PITPNM3: variants seen among roughly 807,000 people sequenced by gnomAD.
PITPNM3 encodes the protein PITPNM family member 3, also known as membrane-associated phosphatidylinositol transfer protein 3.
PITPNM3 carries 26 observed loss-of-function variants against 102.0 expected under a neutral mutation model. That is an observed-to-expected ratio of 0.25 (90% CI 0.19 to 0.35). PITPNM3 has a LOEUF of 0.35. Ranked by LOEUF, PITPNM3 falls within the 10% of genes least tolerant of loss-of-function variation. The pLI, the probability that PITPNM3 is intolerant of heterozygous loss-of-function variation, is 1.00. For synonymous variants in PITPNM3, 578 were observed against 558.6 expected (o/e 1.03, Z -0.49); for missense variants, 1,083 against 1,346.1 (o/e 0.80, Z 3.06).
chr17:6,481,604 C>T (rs1012982341), intron 6 of PITPNM3: 9 of 152,112 alleles, frequency 5.9e-5, no homozygotes, highest in African/African-American at 1.9e-4. Flanking sequence ...CACACTTAGC[C>T]GTGGTATGCA....
At chr17:6,528,301 G>T (rs1181820980) in intron 2 of PITPNM3, among the ~76,000 whole-genome samples, 1 of 152,024 alleles carries the variant, frequency 6.6e-6, no homozygotes, top group Non-Finnish European at 1.5e-5. Context: ...ATCTTATCAG[G>T]CTGGGTATGT....
Position 6,483,692 on chromosome 17 carries a change from T to C in PITPNM3, c.412A>G (p.Asn138Asp). 6.2e-7 allele frequency: 1 copy of C among 1,614,042 alleles called. No homozygotes were observed. Among genetic ancestry groups the C allele is most frequent in the Non-Finnish European group, 8.5e-7 (1 of 1,180,018 alleles). The change falls in exon 6 of 20, where the codon AAC becomes GAC. Residue 138 changes from asparagine (N) to aspartate (D), a missense_variant. Around this residue, in one of 5 missense-constraint regions of PITPNM3, gnomAD observed 290 missense variants for 337.8 expected, o/e 0.86. Transcript: ENST00000262483. ...TCCCCGGCACCCGTGTCCAGGATGT[T>C]TCCCCCATGCAGGACCAGCAGGAGG... ...HVLLLVLHGG[N>D]ILDTGAGDPS...
Position 6,477,072 on chromosome 17 carries a change from A to T in PITPNM3, c.1042T>A (p.Tyr348Asn). ...LPRKQSDSST[Y>N]DCEAITQHHA... The stretch of plus-strand genomic sequence containing the variant: ...TGCTGGGTGATGGCCTCGCAGTCAT[A>T]GGTGGAGGAGTCGCTCTGTTTCCGC... The change falls in exon 9 of 20, where the codon TAT becomes AAT. Residue 348 changes from tyrosine to asparagine, a missense_variant. This residue lies in a region of PITPNM3 where 172 missense variants were observed against 175.6 expected (regional missense o/e 0.98). Coordinates refer to ENST00000262483, the MANE Select transcript of PITPNM3 (RefSeq NM_031220.4). 6.2e-7 allele frequency: 1 copy of T among 1,614,184 alleles called. No homozygotes were observed. The highest frequency in any genetic ancestry group is 8.5e-7 in the Non-Finnish European group (1 of 1,180,036).
rs1597356088 is a variant in PITPNM3, at chr17:6,454,794, C to G, written c.*544G>C. 1.3e-5 allele frequency: 2 copies of G among 155,260 alleles called. No homozygotes were observed. Among genetic ancestry groups the G allele is most frequent in the Non-Finnish European group, 2.9e-5 (2 of 70,010 alleles). The allele number at this position is 155,260 out of a possible 1,614,324, so 9.6% of individuals were successfully genotyped here. A position where few individuals can be genotyped will look rare whatever the true frequency, so the allele number is the denominator to read the frequency against. On this transcript the variant is annotated 3_prime_UTR_variant, in exon 20 of 20. Transcript: ENST00000262483. ...TGGACAGAGACGGCGTAACATGAGC[C>G]CGGGGATGTGCTCTCACTCCCAGAA...
chr17:6,479,898 C>A (rs1905558804), intron 6 of PITPNM3: 1 of 152,204 alleles, frequency 6.6e-6, no homozygotes, highest in African/African-American at 2.4e-5. Flanking sequence ...AACTAAGCTC[C>A]CTCCCGCTGG....
intron 6 of PITPNM3, chr17:6,481,487 C>G (rs1445169595): frequency 6.6e-6 from 1 of 152,298 alleles, no homozygotes; most frequent in Non-Finnish European, 1.5e-5. Context: ...AGGTTATTTA[C>G]TATGGCTACC....
At chr17:6,521,385 C>T (rs1420385307) in intron 3 of PITPNM3, 1 of 152,122 alleles carries the variant, frequency 6.6e-6, no homozygotes, top group Non-Finnish European at 1.5e-5. Flanking sequence ...GTACTCCAGC[C>T]TGGGTGACAA....
At chr17:6,513,084 A>G (rs1312549687) in intron 3 of PITPNM3, among the ~76,000 whole-genome samples, 1 of 151,370 alleles carries the variant, frequency 6.6e-6, no homozygotes, top group Non-Finnish European at 1.5e-5. Flanking sequence ...AAAAAAAAAA[A>G]TCCTGCAAAA....
rs558193756 is a variant in PITPNM3, at chr17:6,540,017, T to C, written c.23-1935A>G. Among the ~76,000 whole-genome samples, 28 of 152,336 alleles carry C rather than the reference T, an allele frequency of 1.8e-4. No homozygotes were observed. In the East Asian group the frequency reaches 2.1e-3, roughly 12 times the overall value. On this transcript the variant is annotated intron_variant, in intron 1 of 19. Transcript: ENST00000262483. ...CTCCTCTATGCGGTGGCCTCATACATGCACGGTTTAGATCCATCCGAGAAC... is the reference window on the plus strand; with the variant it reads ...CTCCTCTATGCGGTGGCCTCATACACGCACGGTTTAGATCCATCCGAGAAC...
intron 17 of PITPNM3, 129 bp downstream of exon 17, chr17:6,463,603 G>T (rs942570037): frequency 7.5e-7 from 1 of 1,336,172 alleles, no homozygotes; most frequent in Non-Finnish European, 1.0e-6. Flanking sequence ...TAAAGCCAGG[G>T]CTTCTCAGCT....
At chr17:6,479,652 T>A (rs1201921980) in intron 6 of PITPNM3, 1 of 152,256 alleles carries the variant, frequency 6.6e-6, no homozygotes, top group East Asian at 1.9e-4. Context: ...CACATCCCAC[T>A]GGGACTCGAC....
At chr17:6,456,311 G>C (rs372396623) in intron 19 of PITPNM3, among the ~76,000 whole-genome samples, 46 of 152,238 alleles carry the variant, frequency 3.0e-4, no homozygotes, top group African/African-American at 1.0e-3. Context: ...CAGGGTGCTT[G>C]GCCTCTGGAT....
At chr17:6,528,079 G>A (rs1389010688) in intron 2 of PITPNM3, among the ~76,000 whole-genome samples, 1 of 152,206 alleles carries the variant, frequency 6.6e-6, no homozygotes. Context: ...CTTCTCTCAC[G>A]CTTTACATCT....
At chr17:6,495,196 G>A (rs1906726889) in intron 4 of PITPNM3, among the ~76,000 whole-genome samples, 1 of 152,094 alleles carries the variant, frequency 6.6e-6, no homozygotes, top group African/African-American at 2.4e-5. Context: ...ACAGGAGAGG[G>A]AGGCATTTTA....
intron 1 of PITPNM3, among the ~76,000 whole-genome samples, chr17:6,545,842 C>T (rs924055241): frequency 3.3e-5 from 5 of 152,232 alleles, no homozygotes; most frequent in African/African-American, 1.2e-4. Context: ...CCCCATTGGG[C>T]TGTGGGTTCC....
At chr17:6,538,924 A>AC (rs1020173971) in intron 1 of PITPNM3, among the ~76,000 whole-genome samples, 5 of 152,098 alleles carry the variant, frequency 3.3e-5, no homozygotes, top group Admixed American at 1.3e-4. Context: ...CACACCCCCT[A>AC]CCCTGCAGGA....
intron 4 of PITPNM3, among the ~76,000 whole-genome samples, chr17:6,488,766 C>T (rs897761053): frequency 3.3e-5 from 5 of 152,146 alleles, no homozygotes; most frequent in Non-Finnish European, 7.4e-5. Flanking sequence ...GCAGGGGGTC[C>T]TAAGGGGTGG....
chr17:6,519,293 C>A (rs1908362159), intron 3 of PITPNM3, among the ~76,000 whole-genome samples: 1 of 45,662 alleles, frequency 2.2e-5, no homozygotes. Flanking sequence ...GCCGAGATTG[C>A]GCCACTGCAG....
chr17:6,496,466 A>C (rs1467140), intron 4 of PITPNM3, among the ~76,000 whole-genome samples: 113,937 of 152,056 alleles, frequency 0.75, 42,921 homozygotes, highest in Middle Eastern at 0.85. Context: ...CTGCCCCGTG[A>C]CCAGATAATT....
Sources: allele counts gnomAD v4.1 joint callset (sites outside exome capture counted in the v4.1 genomes callset), GRCh38; gene constraint gnomAD v4.1.1; regional missense constraint gnomAD v4.1.1; transcripts MANE v1.5; gene names NCBI Gene and HGNC (gene_info 2026-07-23, HGNC 2026-07-21).